FAM83B: variants seen among roughly 807,000 people sequenced by gnomAD.
FAM83B encodes scaffolding CK1 anchoring protein B.
In FAM83B, 26 loss-of-function variants were observed where a neutral mutation model predicts 38.8. That is an observed-to-expected ratio of 0.67 (90% CI 0.49 to 0.93). FAM83B has a LOEUF of 0.93. Among genes scored for constraint, FAM83B ranks in the 40% least tolerant of loss-of-function variants. The probability of loss-of-function intolerance (pLI) is 0.00; values close to 1 mark genes in which losing one functional copy is unlikely to be tolerated. For missense variants in FAM83B, 1,237 were observed against 1,197.3 expected (o/e 1.03, Z -0.49); for synonymous variants, 419 against 423.1 (o/e 0.99, Z 0.12).
chr6:54,937,048 A>G (rs2127590815), intron 4 of FAM83B, among the ~76,000 whole-genome samples: 1 of 150,298 alleles, frequency 6.7e-6, no homozygotes, highest in Non-Finnish European at 1.5e-5. Context: ...GTTTATTTTA[A>G]ATGTTTAATC....
At chr6:54,903,929 C>T (rs1248163010) in intron 2 of FAM83B, among the ~76,000 whole-genome samples, 1 of 151,658 alleles carries the variant, frequency 6.6e-6, no homozygotes, top group South Asian at 2.1e-4. Context: ...ATATCACTTC[C>T]CAGCTCCTCC....
intron 2 of FAM83B, among the ~76,000 whole-genome samples, chr6:54,871,199 TA>T (rs2127575435): frequency 6.6e-6 from 1 of 152,310 alleles, no homozygotes; most frequent in South Asian, 2.1e-4. Flanking sequence ...TGTAAAATTC[TA>T]AAGCAAGATT....
chr6:54,867,754 G>A (rs1032903475), intron 1 of FAM83B, among the ~76,000 whole-genome samples: 8 of 151,980 alleles, frequency 5.3e-5, no homozygotes, highest in Non-Finnish European at 1.2e-4. Flanking sequence ...ATTTGCATAG[G>A]TGTAGCTCAG....
intron 4 of FAM83B, among the ~76,000 whole-genome samples, chr6:54,936,828 A>G (rs1206838140): frequency 6.6e-6 from 1 of 150,614 alleles, no homozygotes; most frequent in Non-Finnish European, 1.5e-5. Context: ...CCATTACTTG[A>G]TGTTTCTAAT....
At chr6:54,903,305 A>C (rs1163533733) in intron 2 of FAM83B, among the ~76,000 whole-genome samples, 1 of 152,178 alleles carries the variant, frequency 6.6e-6, no homozygotes, top group Admixed American at 6.5e-5. Context: ...CTTTTCCTTT[A>C]GGATAAGTCC....
In FAM83B at chr6:54,940,015, T is replaced by G. The variant is rs776508901; in HGVS notation, c.1044T>G (p.His348Gln). Residue 348 changes from histidine (H) to glutamine (Q), a missense_variant, in exon 5 of 5, where the codon CAT (histidine) becomes CAG (glutamine). Physicochemically the swap from His to Gln is conservative, Grantham distance 24. Transcript: ENST00000306858. ...KNRGIYTLNEHDKYNIRSHGY... is the reference protein window; with the variant it reads ...KNRGIYTLNEQDKYNIRSHGY... Reference sequence around the variant, plus strand: ...GAGGGATATATACTTTAAATGAACATGACAAATATAACATAAGAAGTCACG... The same window carrying G: ...GAGGGATATATACTTTAAATGAACAGGACAAATATAACATAAGAAGTCACG... 1 of 1,613,890 alleles carries G rather than the reference T, an allele frequency of 6.2e-7. No homozygotes were observed. Among genetic ancestry groups the G allele is most frequent in the Admixed American group, 1.7e-5 (1 of 59,952 alleles).
At position 54,941,308 on chromosome 6, in the gene FAM83B, T is replaced by G. The variant is rs2127591958; in HGVS notation, c.2337T>G (p.Leu779=). The G allele has an allele frequency of 6.2e-7, 1 of 1,612,124 alleles. No individual in the cohort carries two copies. Among genetic ancestry groups the G allele is most frequent in the African/African-American group, 1.3e-5 (1 of 74,814 alleles). The change falls in exon 5 of 5, where the codon CTT becomes CTG. Residue 779 remains leucine, a synonymous_variant. Transcript: ENST00000306858. ...GGTCTCAGAAGTTAAGGTCATTACTTAGCCTTACCCCAGATAAGAAAGAAA... is the reference window on the plus strand; with the variant it reads ...GGTCTCAGAAGTTAAGGTCATTACTGAGCCTTACCCCAGATAAGAAAGAAA... ...KKGSQKLRSL[L]SLTPDKKENL...
At chr6:54,910,432 T>C (rs1400993993) in intron 2 of FAM83B, among the ~76,000 whole-genome samples, 1 of 152,220 alleles carries the variant, frequency 6.6e-6, no homozygotes, top group African/African-American at 2.4e-5. Context: ...TTTTCCATGC[T>C]TCTCTGCCCT....
chr6:54,855,003 C>T (rs756524047), intron 1 of FAM83B, among the ~76,000 whole-genome samples: 66 of 152,180 alleles, frequency 4.3e-4, no homozygotes, highest in Non-Finnish European at 8.1e-4. Context: ...CAGTGAAGTT[C>T]ATCTTTGCTT....
chr6:54,847,623 TG>T (rs34159681), intron 1 of FAM83B, among the ~76,000 whole-genome samples: 32,636 of 151,784 alleles, frequency 0.22, 3,985 homozygotes, highest in African/African-American at 0.34. Flanking sequence ...CTGTGTGATA[TG>T]TGGGGAGACT....
At chr6:54,916,072 A>G (rs557386931) in intron 2 of FAM83B, among the ~76,000 whole-genome samples, 131 of 152,194 alleles carry the variant, frequency 8.6e-4, no homozygotes, top group Non-Finnish European at 4.4e-4. Flanking sequence ...TTTCCCAACA[A>G]AACTGGGCCT....
intron 2 of FAM83B, among the ~76,000 whole-genome samples, chr6:54,917,591 C>T (rs1378752005): frequency 6.6e-6 from 1 of 152,014 alleles, no homozygotes; most frequent in Non-Finnish European, 1.5e-5. Flanking sequence ...TTTTTACCTT[C>T]TTGGTCAGAA....
rs185869494 is a variant in FAM83B at position 54,922,748 on chromosome 6, T to C, written c.445-3623T>C. Among the ~76,000 whole-genome samples the C allele has an allele frequency of 3.3e-5, 5 of 152,222 alleles. No homozygotes were observed. The East Asian group carries it at 9.6e-4, about 29-fold the overall frequency. ...ATGGTCCAGTATTTTGTTTAAACAC[T>C]GTAATTAGCGTAAATAAAATTATTT... On this transcript the variant is annotated intron_variant, in intron 2 of 4. Coordinates refer to ENST00000306858, the MANE Select transcript of FAM83B (RefSeq NM_001010872.3).
chr6:54,905,668 TAAA>T (rs1430324969), intron 2 of FAM83B, among the ~76,000 whole-genome samples: 2 of 152,108 alleles, frequency 1.3e-5, no homozygotes, highest in Admixed American at 1.3e-4. Flanking sequence ...GTTGAGAAAA[TAAA>T]AAGTTTAGAA....
chr6:54,941,585 C>G lies in FAM83B; in HGVS notation c.2614C>G (p.Pro872Ala). 6.2e-7 allele frequency: 1 copy of G among 1,614,054 alleles called. No individual in the cohort carries two copies. Among genetic ancestry groups the G allele is most frequent in the Non-Finnish European group, 8.5e-7 (1 of 1,180,012 alleles). The change falls in exon 5 of 5, where the codon CCA becomes GCA. Residue 872 changes from proline (P) to alanine (A), a missense_variant. By Grantham distance (27) the Pro-to-Ala change is conservative. Coordinates refer to ENST00000306858, the MANE Select transcript of FAM83B (RefSeq NM_001010872.3). ...AAATAAAAGAACACCTTCTCCAGGT[C>G]CAGTTGAAAGCAAGTTCTTGGAAAG... ...DENKRTPSPG[P>A]VESKFLERAG...
chr6:54,912,420 C>CAA (rs1309587736), intron 2 of FAM83B, among the ~76,000 whole-genome samples: 1 of 101,188 alleles, frequency 9.9e-6, no homozygotes, highest in Admixed American at 1.0e-4. Context: ...TTTCCCCAGC[C>CAA]AAAAAAAAAA....
At chr6:54,884,481 C>CAA (rs769913282) in intron 2 of FAM83B, among the ~76,000 whole-genome samples, 8,617 of 70,862 alleles carry the variant, frequency 0.12, 389 homozygotes, top group Middle Eastern at 0.23. Flanking sequence ...GACTCTGTCT[C>CAA]AAAAAAAAAA....
intron 2 of FAM83B, among the ~76,000 whole-genome samples, chr6:54,871,340 T>G (rs1458470780): frequency 6.6e-6 from 1 of 151,888 alleles, no homozygotes; most frequent in Non-Finnish European, 1.5e-5. Context: ...ACAAAAGTTA[T>G]TAAGAGTTTT....
chr6:54,933,565 A>AT (rs1435464494), intron 4 of FAM83B, among the ~76,000 whole-genome samples: 1 of 151,358 alleles, frequency 6.6e-6, no homozygotes, highest in African/African-American at 2.4e-5. Context: ...ATGCCTTGTA[A>AT]TTTTTTGCTA....
Sources: allele counts gnomAD v4.1 joint callset (sites outside exome capture counted in the v4.1 genomes callset), GRCh38; gene constraint gnomAD v4.1.1; transcripts MANE v1.5; gene names NCBI Gene and HGNC (gene_info 2026-07-23, HGNC 2026-07-21).